Variants in RPS3 observed in about 807,000 individuals in gnomAD.
RPS3 encodes ribosomal protein S3, also known as small ribosomal subunit protein uS3.
RPS3 carries 2 observed loss-of-function variants against 25.8 expected under a neutral mutation model. The observed-to-expected ratio is 0.08, with a 90% confidence interval of 0.03 to 0.24. RPS3 has a LOEUF of 0.24. RPS3 is among the 10% of genes least tolerant of loss of function. RPS3 has a pLI of 1.00. For missense variants in RPS3, 107 were observed against 307.1 expected (o/e 0.35, Z 4.87); for synonymous variants, 114 against 114.2 (o/e 1.00, Z 0.01).
chr11:75,409,128 C>G (rs1038063356), downstream of RPS3, among the ~76,000 whole-genome samples: 1 of 151,992 alleles, frequency 6.6e-6, no homozygotes, highest in African/African-American at 2.4e-5. Context: ...ACTACAGGCA[C>G]GTGCCACCAT....
intron 6 of RPS3, among the ~76,000 whole-genome samples, chr11:75,420,237 T>C (rs1325023558): frequency 2.0e-5 from 3 of 152,130 alleles, no homozygotes; most frequent in Non-Finnish European, 4.4e-5. Context: ...GGTGTTTTGG[T>C]TTAACCAATA....
intron 4 of RPS3, chr11:75,402,697 A>C: frequency 3.4e-6 from 1 of 293,512 alleles, no homozygotes; most frequent in East Asian, 6.0e-5. Context: ...GTTAAACACA[A>C]ATAGAACTGT....
intron 1 of RPS3, among the ~76,000 whole-genome samples, chr11:75,400,087 T>C (rs1483642952): frequency 3.3e-5 from 5 of 152,170 alleles, no homozygotes; most frequent in Non-Finnish European, 7.3e-5. Context: ...GATAGAACTG[T>C]GTAAAAATCA....
downstream of RPS3, among the ~76,000 whole-genome samples, chr11:75,410,206 G>T (rs1948337089): frequency 6.6e-6 from 1 of 151,930 alleles, no homozygotes; most frequent in Non-Finnish European, 1.5e-5. Context: ...CGACTGGCCG[G>T]GCGGAGACGC....
chr11:75,409,300 GTC>G (rs1278691702), downstream of RPS3, among the ~76,000 whole-genome samples: 1 of 141,298 alleles, frequency 7.1e-6, no homozygotes, highest in Admixed American at 7.2e-5. Flanking sequence ...GTGAACAAAG[GTC>G]TCTGGTTTTC....
At chr11:75,399,864 G>C (rs1286567589) in intron 1 of RPS3, 8 of 529,554 alleles carry the variant, frequency 1.5e-5, no homozygotes, top group Non-Finnish European at 2.3e-5. Flanking sequence ...ATTAGTAAAC[G>C]TGGTATTTTG....
At chr11:75,410,390 G>A (rs530192671), downstream of RPS3, among the ~76,000 whole-genome samples, 704 of 152,044 alleles carry the variant, frequency 4.6e-3, 3 homozygotes, top group African/African-American at 0.016. Flanking sequence ...CTCAGACGAT[G>A]GGCGGCCGGG....
rs189986409 is a variant in RPS3, at chr11:75,417,363, C to G, written c.*4-4364C>G. Among the ~76,000 whole-genome samples the G allele has an allele frequency of 1.1e-3, 171 of 152,068 alleles. 4 individuals are homozygous for G. Among genetic ancestry groups the G allele is most frequent in the African/African-American group, 3.8e-3 (157 of 41,476 alleles). On this transcript the variant is annotated intron_variant, in intron 6 of 6. Coordinates refer to the RPS3 transcript ENST00000527446. ...CTGTAATCCAAGCACTTTGGGAGGC[C>G]GAGCCAGGGGAATCAAAGGTCAGGA... is the stretch of plus-strand genomic sequence containing the variant.
chr11:75,408,443 C>T (rs1948309214), downstream of RPS3, among the ~76,000 whole-genome samples: 1 of 152,038 alleles, frequency 6.6e-6, no homozygotes, highest in Non-Finnish European at 1.5e-5. Context: ...CACCACTCTC[C>T]AGCCCAACCT....
chr11:75,408,464 C>A (rs1013948316), downstream of RPS3, among the ~76,000 whole-genome samples: 3 of 150,966 alleles, frequency 2.0e-5, no homozygotes, highest in African/African-American at 4.8e-5. Context: ...GGGTGACAGA[C>A]CCTGTCTCAA....
intron 3 of RPS3, 126 bp from the exon 4 acceptor site, chr11:75,402,226 G>A (rs2045453452): frequency 1.4e-6 from 2 of 1,418,170 alleles, no homozygotes; most frequent in Admixed American, 1.8e-5. Flanking sequence ...CTCCTGGGCA[G>A]CATGCGGCCC....
intron 3 of RPS3, 35 bp downstream of exon 3, chr11:75,401,768 T>C: frequency 2.6e-6 from 3 of 1,155,974 alleles, no homozygotes; most frequent in Non-Finnish European, 3.9e-6. Flanking sequence ...AGGTAATGGC[T>C]CTTCAGAATG....
chr11:75,409,053 T>G (rs962937104), downstream of RPS3, among the ~76,000 whole-genome samples: 5 of 152,084 alleles, frequency 3.3e-5, no homozygotes, highest in Non-Finnish European at 7.4e-5. Context: ...GTGGCACAAT[T>G]TCACTGCAAA....
At position 75,405,808 on chromosome 11, in the gene RPS3, C is replaced by T; in HGVS notation, c.*198C>T. 3.3e-6 allele frequency: 1 copy of T among 305,760 alleles called. No individual in the cohort carries two copies. The highest frequency in any genetic ancestry group is 6.5e-6 in the Non-Finnish European group (1 of 153,666). The allele number at this position is 305,760 out of a possible 1,614,324, so 18.9% of individuals were successfully genotyped here. A position where few individuals can be genotyped will look rare whatever the true frequency, so the allele number is the denominator to read the frequency against. On this transcript the variant is annotated 3_prime_UTR_variant, in exon 7 of 7. Coordinates refer to ENST00000531188, the MANE Select transcript of RPS3 (RefSeq NM_001005.5). ...ATTTGCAAGGGCCAGAACAGTAAGA[C>T]CCAAGCAGAGCCAACCAGAGAAATA...
downstream of RPS3, among the ~76,000 whole-genome samples, chr11:75,411,261 C>T (rs1282235974): frequency 6.6e-6 from 1 of 152,308 alleles, no homozygotes; most frequent in Middle Eastern, 3.4e-3. Flanking sequence ...ATCCTCCTTC[C>T]TCGGCCTCCC....
downstream of RPS3, among the ~76,000 whole-genome samples, chr11:75,408,802 C>A (rs574432079): frequency 2.0e-5 from 3 of 152,198 alleles, no homozygotes; most frequent in Non-Finnish European, 4.4e-5. Flanking sequence ...TCCCAAAGTG[C>A]TGGGATTACA....
chr11:75,413,181 T>C (rs572645358), intron 6 of RPS3, among the ~76,000 whole-genome samples: 1 of 152,304 alleles, frequency 6.6e-6, no homozygotes, highest in African/African-American at 2.4e-5. Context: ...ACTGCTGAGC[T>C]CACCCTTTGC....
rs985640679 is a variant in RPS3 at position 75,402,570 on chromosome 11, A to C, written c.350+124A>C. 20 of 1,007,262 alleles carry C rather than the reference A, an allele frequency of 2.0e-5. No individual in the cohort carries two copies. The African/African-American group carries it at 2.8e-4, about 14-fold the overall frequency. The allele number at this position is 1,007,262 out of a possible 1,614,324, so 62.4% of individuals were successfully genotyped here. On this transcript the variant is annotated intron_variant, in intron 4 of 6. Coordinates refer to ENST00000531188, the MANE Select transcript of RPS3 (RefSeq NM_001005.5). The stretch of plus-strand genomic sequence containing the variant: ...GGATCTGCTAGTCTCCCAGGGTTAT[A>C]ATAAGATACTAAGTCATGCCCTCAC...
rs189255882 is a variant in RPS3, at chr11:75,401,833, G to A, written c.255+100G>A. The A allele has an allele frequency of 6.7e-6, 5 of 748,550 alleles. No individual in the cohort carries two copies. In the Admixed American group the frequency reaches 1.1e-4, roughly 16 times the overall value. 46.4% of individuals were successfully genotyped at this position (748,550 alleles called of 1,614,324 possible). The stretch of plus-strand genomic sequence containing the variant: ...TTTAATTGTTTGTTCATTACAAATG[G>A]ACTGGTATAACTGTTGAAATTCTCT... On this transcript the variant is annotated intron_variant, in intron 3 of 6. Transcript: ENST00000531188.
Sources: gnomAD v4.1 joint callset for allele counts (sites outside exome capture counted in the v4.1 genomes callset) on GRCh38, gnomAD v4.1.1 for gene constraint, MANE v1.5 for transcripts, NCBI Gene and HGNC (gene_info 2026-07-23, HGNC 2026-07-21) for gene names.